The following RYR3 variants were observed in gnomAD, a reference collection of about 807,000 sequenced individuals.
The protein encoded by RYR3 is brain ryanodine receptor-calcium release channel.
Under a neutral mutation model 584.3 loss-of-function variants are expected in RYR3, and 207 were observed. The ratio of observed to expected loss-of-function variants is 0.35; its 90% CI spans 0.32 to 0.40. The LOEUF (loss-of-function observed/expected upper bound fraction) is 0.40. Ranked by LOEUF, RYR3 falls within the 10% of genes least tolerant of loss-of-function variation. The pLI, the probability that RYR3 is intolerant of heterozygous loss-of-function variation, is 1.00. For synonymous variants in RYR3, 2,416 were observed against 2,248.5 expected (o/e 1.07, Z -2.11); for missense variants, 5,616 against 6,089.2 (o/e 0.92, Z 2.59).
chr15:33,807,295 C>T (rs938760204), intron 69 of RYR3, among the ~76,000 whole-genome samples: 1 of 152,140 alleles, frequency 6.6e-6, no homozygotes, highest in Non-Finnish European at 1.5e-5. Context: ...GTCTGAGTGC[C>T]ACACACTCTA....
At chr15:33,699,656 G>A (rs1244343086) in intron 40 of RYR3, 48 bp from the exon 41 acceptor site, 6 of 1,577,932 alleles carry the variant, frequency 3.8e-6, no homozygotes, top group African/African-American at 1.3e-5. Flanking sequence ...TTTCAGAAAG[G>A]CCTCATGATA....
intron 98 of RYR3, 24 bp from the exon 99 acceptor site, chr15:33,857,756 C>T (rs2079847380): frequency 6.2e-7 from 1 of 1,613,590 alleles, no homozygotes; most frequent in Non-Finnish European, 8.5e-7. Context: ...ACTCCTTTTC[C>T]TTTCTCTGTC....
chr15:33,524,035 A>G (rs1030463375), intron 3 of RYR3, among the ~76,000 whole-genome samples: 1 of 152,174 alleles, frequency 6.6e-6, no homozygotes, highest in Non-Finnish European at 1.5e-5. Flanking sequence ...CCCACAAGCA[A>G]CTGAAGGTAC....
At position 33,510,110 on chromosome 15, in the gene RYR3, G is replaced by A. The variant is rs187173927; in HGVS notation, c.279+6372G>A. On this transcript the variant is annotated intron_variant, in intron 3 of 103. Coordinates refer to ENST00000634891, the MANE Select transcript of RYR3 (RefSeq NM_001036.6). Reference sequence around the variant, plus strand: ...TGTGCAAAAGCTTGTCGAAACCTGCGCTTTAAAAGCTGCCCTGTGTTAGAG... The same window carrying A: ...TGTGCAAAAGCTTGTCGAAACCTGCACTTTAAAAGCTGCCCTGTGTTAGAG... 2.4e-3 allele frequency among the ~76,000 whole-genome samples: 369 copies of A among 152,238 alleles called. 3 individuals carry two copies. The highest frequency in any genetic ancestry group is 8.3e-3 in the African/African-American group (345 of 41,542).
chr15:33,335,652 T>G (rs1970875280), intron 1 of RYR3, among the ~76,000 whole-genome samples: 1 of 151,638 alleles, frequency 6.6e-6, no homozygotes, highest in South Asian at 2.1e-4. Context: ...ATGTTACATA[T>G]GTACCAAACT....
At chr15:33,539,530 A>G in intron 6 of RYR3, 68 bp downstream of exon 6, 1 of 907,856 alleles carries the variant, frequency 1.1e-6, no homozygotes, top group East Asian at 2.6e-5. Flanking sequence ...GATGGCCATG[A>G]AGAACTGAGC....
chr15:33,713,998 A>G (rs890794698), intron 43 of RYR3, among the ~76,000 whole-genome samples: 2 of 152,184 alleles, frequency 1.3e-5, no homozygotes, highest in Non-Finnish European at 2.9e-5. Flanking sequence ...TATTCAGACC[A>G]TAGCAAGTGG....
Position 33,731,459 on chromosome 15 carries a change from ATCT to A in RYR3, c.7204-10_7204-8del, listed in dbSNP as rs1426679423. Reference sequence around the variant, plus strand: ...CTCAGGGCAATTAACCTGTGTCCCAATCTTCTTTCTCTAGGTTTCCCTAAGCAC... The same window carrying A: ...CTCAGGGCAATTAACCTGTGTCCCAATCTTTCTCTAGGTTTCCCTAAGCAC... On this transcript the variant is annotated splice_polypyrimidine_tract_variant and intron_variant, in intron 47 of 103. Coordinates refer to ENST00000634891, the MANE Select transcript of RYR3 (RefSeq NM_001036.6). The A allele has an allele frequency of 5.0e-6, 8 of 1,590,838 alleles. No homozygotes were observed. In the African/African-American group the frequency reaches 1.1e-4, roughly 21 times the overall value.
intron 1 of RYR3, among the ~76,000 whole-genome samples, chr15:33,433,725 C>T (rs566096551): frequency 6.6e-5 from 10 of 152,336 alleles, no homozygotes; most frequent in African/African-American, 2.4e-4. Context: ...GTAGCTAGTA[C>T]ATTTCAGGCT....
At chr15:33,327,358 G>A (rs1227569038) in intron 1 of RYR3, among the ~76,000 whole-genome samples, 4 of 152,174 alleles carry the variant, frequency 2.6e-5, no homozygotes, top group African/African-American at 9.7e-5. Flanking sequence ...GAATCCATGG[G>A]ACACAGGGGC....
intron 103 of RYR3, among the ~76,000 whole-genome samples, chr15:33,864,456 TAAG>T (rs1470994598): frequency 6.6e-6 from 1 of 151,898 alleles, no homozygotes; most frequent in Non-Finnish European, 1.5e-5. Context: ...CAATATGAAA[TAAG>T]AAATTGTCTG....
chr15:33,535,075 G>C (rs2055210485), intron 5 of RYR3, among the ~76,000 whole-genome samples: 1 of 152,186 alleles, frequency 6.6e-6, no homozygotes, highest in Non-Finnish European at 1.5e-5. Flanking sequence ...AAACAGGTTA[G>C]GGCACACTGC....
chr15:33,840,582 T>G, intron 89 of RYR3: 2 of 557,206 alleles, frequency 3.6e-6, no homozygotes, highest in Non-Finnish European at 6.4e-6. Context: ...ACAAGTTTCC[T>G]CTTTGAATTG....
intron 55 of RYR3, 119 bp downstream of exon 55, chr15:33,748,649 A>T: frequency 1.2e-6 from 1 of 854,998 alleles, no homozygotes; most frequent in Non-Finnish European, 1.9e-6. Context: ...AAAATTCAAA[A>T]CTGAAGACGG....
intron 38 of RYR3, among the ~76,000 whole-genome samples, chr15:33,685,092 A>G (rs2064894699): frequency 6.6e-6 from 1 of 152,238 alleles, no homozygotes; most frequent in Admixed American, 6.5e-5. Flanking sequence ...TTCACACATG[A>G]CAATATTAAC....
At chr15:33,755,306 AT>A (rs1032827510) in intron 58 of RYR3, 126 bp downstream of exon 58, 15 of 669,148 alleles carry the variant, frequency 2.2e-5, no homozygotes, top group African/African-American at 1.1e-4. Context: ...AGTGGCTGAA[AT>A]TTTTTTCCCC....
chr15:33,854,902 A>G lies in RYR3; in HGVS notation c.13997A>G (p.Asn4666Ser), dbSNP rs753333370. The G allele has an allele frequency of 1.9e-6, 3 of 1,610,766 alleles. No individual in the cohort carries two copies. Among genetic ancestry groups the G allele is most frequent in the Admixed American group, 1.7e-5 (1 of 59,416 alleles). ...LRTILSSVTH[N>S]GKQLVLTVGL... is the part of the protein sequence containing the mutation. ...ACCATTCTGTCATCTGTAACTCACAATGGCAAACAGGTATGGTTTCTACTG... is the reference window on the plus strand; with the variant it reads ...ACCATTCTGTCATCTGTAACTCACAGTGGCAAACAGGTATGGTTTCTACTG... The change falls in exon 98 of 104, where the codon AAT (asparagine) becomes AGT (serine). Residue 4666 changes from asparagine to serine, a missense_variant. By Grantham distance (46) the Asn-to-Ser change is conservative (BLOSUM62 1). Transcript: ENST00000634891.
At chr15:33,743,339 G>A (rs2070359522) in intron 52 of RYR3, among the ~76,000 whole-genome samples, 1 of 152,200 alleles carries the variant, frequency 6.6e-6, no homozygotes, top group Admixed American at 6.5e-5. Context: ...TGGCAAATCT[G>A]TTCTGTAAAG....
At chr15:33,312,049 T>C (rs1967394957) in intron 1 of RYR3, among the ~76,000 whole-genome samples, 1 of 152,220 alleles carries the variant, frequency 6.6e-6, no homozygotes, top group Non-Finnish European at 1.5e-5. Flanking sequence ...ATGTGTAAAA[T>C]AAAATGTAAC....
Sources: allele counts gnomAD v4.1 joint callset (sites outside exome capture counted in the v4.1 genomes callset), GRCh38; gene constraint gnomAD v4.1.1; transcripts MANE v1.5; gene names NCBI Gene and HGNC (gene_info 2026-07-23, HGNC 2026-07-21).